ANHX: variants seen among roughly 807,000 people sequenced by gnomAD.
ANHX encodes anomalous homeobox protein.
A neutral mutation model predicts 38.9 loss-of-function variants in ANHX; 20 were observed. The ratio of observed to expected loss-of-function variants is 0.51; its 90% CI spans 0.36 to 0.75. ANHX has a LOEUF of 0.75. Among genes scored for constraint, ANHX ranks in the 30% least tolerant of loss-of-function variants. ANHX has a pLI of 0.00. For synonymous variants in ANHX, 185 were observed against 203.1 expected (o/e 0.91, Z 0.76); for missense variants, 475 against 493.1 (o/e 0.96, Z 0.35).
At chr12:133,224,736 C>T (rs185099116) in intron 7 of ANHX, among the ~76,000 whole-genome samples, 1,653 of 148,650 alleles carry the variant, frequency 0.011, 34 homozygotes, top group African/African-American at 0.038. Context: ...GAGGCCGAGG[C>T]GGGCGGATCA....
chr12:133,224,762 A>G (rs146076658), intron 7 of ANHX, among the ~76,000 whole-genome samples: 30,275 of 149,798 alleles, frequency 0.2, 3,609 homozygotes, highest in South Asian at 0.29. Flanking sequence ...TCAGGAGATC[A>G]AGACCATCCT....
intron 4 of ANHX, 138 bp from the exon 5 acceptor site, chr12:133,227,290 G>A (rs182631266): frequency 1.1e-6 from 1 of 952,214 alleles, no homozygotes; most frequent in East Asian, 2.7e-5. Context: ...ACAGCAGAGA[G>A]CGGTGAGCAT....
chr12:133,227,839 G>T lies in ANHX; in HGVS notation c.486C>A (p.Pro162=), dbSNP rs766178467. 4.0e-5 allele frequency: 61 copies of T among 1,535,444 alleles called. No homozygotes were observed. The South Asian group carries it at 5.4e-4, about 13-fold the overall frequency. The part of the protein sequence containing the change: ...HNFAVGVNTN[P]SKAERENLAL... The stretch of plus-strand genomic sequence containing the variant: ...CTATTCTTACCCTCTCAGCCTTGCT[G>T]GGGTTGGTGTTCACCCCCACAGCGA... Residue 162 remains proline, a synonymous_variant, in exon 4 of 10, where the codon CCC becomes CCA. Coordinates refer to ENST00000545940, the MANE Select transcript of ANHX (RefSeq NM_001372060.1).
At chr12:133,231,707 C>G (rs933692415) in intron 2 of ANHX, 63 bp from the exon 3 acceptor site, 17 of 1,521,556 alleles carry the variant, frequency 1.1e-5, no homozygotes, top group Middle Eastern at 3.7e-4. Context: ...TTGGGACCTG[C>G]ATCTGCCATC....
intron 8 of ANHX, among the ~76,000 whole-genome samples, chr12:133,219,575 TA>T (rs1957080770): frequency 6.6e-6 from 1 of 151,926 alleles, no homozygotes; most frequent in Non-Finnish European, 1.5e-5. Flanking sequence ...CGGTGGGTCA[TA>T]GGGGCAACTG....
rs1957198551 is a variant in ANHX, at chr12:133,227,008, C to T, written c.646G>A (p.Gly216Ser). The T allele has an allele frequency of 2.0e-6, 3 of 1,535,594 alleles. No homozygotes were observed. Among genetic ancestry groups the T allele is most frequent in the Non-Finnish European group, 2.6e-6 (3 of 1,146,572 alleles). The change falls in exon 5 of 10, where the codon GGT becomes AGT. Residue 216 changes from glycine to serine, a missense_variant. Physicochemically the swap from Gly to Ser is moderately conservative, Grantham distance 56 (BLOSUM62 0). Coordinates refer to ENST00000545940, the MANE Select transcript of ANHX (RefSeq NM_001372060.1). ...CCTGAGGGCTGCAGGAGGTCAGGAC[C>T]CCTCTCCCTCGCACCAGGGTCTTCA... ...TAEDPGARER[G>S]PDLLQPSGNP...
At position 133,221,143 on chromosome 12, in the gene ANHX, C is replaced by T; in HGVS notation, c.1280+62G>A. ...CGGGACGGTGAGTCTATAAACTGGG[C>T]ATTACCCTATCTTGTGGCCTGTGGA... On this transcript the variant is annotated intron_variant, in intron 8 of 9. Transcript: ENST00000545940. The surrounding 1 kb of genome is among the most constrained non-coding windows in gnomAD (Gnocchi z 4.1). 4.6e-6 allele frequency: 7 copies of T among 1,519,152 alleles called. No homozygotes were observed. The highest frequency in any genetic ancestry group is 6.2e-6 in the Non-Finnish European group (7 of 1,136,630). The allele number at this position is 1,519,152 out of a possible 1,614,324, so 94.1% of individuals were successfully genotyped here.
At chr12:133,224,294 G>A (rs927924934) in intron 7 of ANHX, among the ~76,000 whole-genome samples, 2 of 152,112 alleles carry the variant, frequency 1.3e-5, no homozygotes, top group African/African-American at 4.8e-5. Context: ...AAAGAAAAAG[G>A]AAAGGCATGG....
intron 7 of ANHX, among the ~76,000 whole-genome samples, chr12:133,225,314 T>TACACACACACAC (rs36198127): frequency 7.1e-6 from 1 of 141,498 alleles, no homozygotes; most frequent in African/African-American, 2.7e-5. Flanking sequence ...TATGCATACA[T>TACACACACACAC]ACACACACAC....
At position 133,230,772 on chromosome 12, in the gene ANHX, T is replaced by G. The variant is rs968210947; in HGVS notation, c.377+745A>C. On this transcript the variant is annotated intron_variant, in intron 3 of 9. Coordinates refer to ENST00000545940, the MANE Select transcript of ANHX (RefSeq NM_001372060.1). ...CAAGACCCTGTCTCAATTTTTTTTTTAAAGGCTCCAATTTCTCAGTGTCTG... is the reference window on the plus strand; with the variant it reads ...CAAGACCCTGTCTCAATTTTTTTTTGAAAGGCTCCAATTTCTCAGTGTCTG... Among the ~76,000 whole-genome samples the G allele has an allele frequency of 1.1e-4, 16 of 139,718 alleles. No individual in the cohort carries two copies. The East Asian group carries it at 2.6e-3, about 23-fold the overall frequency. 91.7% of individuals were successfully genotyped at this position (139,718 alleles called of 152,430 possible).
Position 133,234,167 on chromosome 12 carries a change from C to T in ANHX, c.190G>A (p.Ala64Thr). Reference protein sequence around the residue: ...HLLDNADVALACARVLDQQEQ... With the variant: ...HLLDNADVALTCARVLDQQEQ... ...TGCTGGTCCAGGACACGGGCGCACG[C>T]CAGGGCCACATCTGCGTTGTCCAGG... The change falls in exon 2 of 10, where the codon GCG (alanine) becomes ACG (threonine). Residue 64 changes from alanine to threonine, a missense_variant. Transcript: ENST00000545940. The T allele has an allele frequency of 6.5e-7, 1 of 1,536,164 alleles. No homozygotes were observed. The highest frequency in any genetic ancestry group is 8.7e-7 in the Non-Finnish European group (1 of 1,146,906).
intron 6 of ANHX, 27 bp downstream of exon 6, chr12:133,226,291 A>G (rs1403495287): frequency 6.5e-7 from 1 of 1,536,212 alleles, no homozygotes; most frequent in East Asian, 2.4e-5. Context: ...AGGTGAGATG[A>G]TTCCATGGCC....
chr12:133,227,901 T>A lies in ANHX; in HGVS notation c.424A>T (p.Asn142Tyr), dbSNP rs1428414144. Residue 142 changes from asparagine (N) to tyrosine (Y), a missense_variant, in exon 4 of 10, where the codon AAC becomes TAC. By Grantham distance (143) the Asn-to-Tyr change is moderately radical. Coordinates refer to ENST00000545940, the MANE Select transcript of ANHX (RefSeq NM_001372060.1). ...TTCTCACGAACCTCTCTGGGGAAGTTCCGGCTCTTCAGCCCCTCTGGGCAG... is the reference window on the plus strand; with the variant it reads ...TTCTCACGAACCTCTCTGGGGAAGTACCGGCTCTTCAGCCCCTCTGGGCAG... The part of the protein sequence containing the change: ...SLCPEGLKSR[N>Y]FPREVREKLH... 4.1e-6 allele frequency: 5 copies of A among 1,225,404 alleles called. No homozygotes were observed. Among genetic ancestry groups the A allele is most frequent in the Non-Finnish European group, 1.1e-6 (1 of 934,140 alleles). 75.9% of individuals were successfully genotyped at this position (1,225,404 alleles called of 1,614,324 possible).
At chr12:133,224,974 A>C (rs1372059167) in intron 7 of ANHX, among the ~76,000 whole-genome samples, 3 of 151,226 alleles carry the variant, frequency 2.0e-5, no homozygotes, top group African/African-American at 7.3e-5. Flanking sequence ...AAAAAAAAAA[A>C]AAACAAAAAC....
intron 7 of ANHX, among the ~76,000 whole-genome samples, chr12:133,224,915 CG>C (rs2135557169): frequency 6.8e-6 from 1 of 146,350 alleles, no homozygotes; most frequent in South Asian, 2.2e-4. Context: ...TGCAGTGAGC[CG>C]AGATCACGCC....
At chr12:133,231,704 C>T in intron 2 of ANHX, 60 bp from the exon 3 acceptor site, 1 of 1,523,600 alleles carries the variant, frequency 6.6e-7, no homozygotes. Context: ...CTGTTGGGAC[C>T]TGCATCTGCC....
chr12:133,224,037 C>G (rs567940177), intron 7 of ANHX, among the ~76,000 whole-genome samples: 7 of 152,250 alleles, frequency 4.6e-5, no homozygotes, highest in Admixed American at 4.6e-4. Context: ...GCAAAGTTAA[C>G]TGAAGCTGCT....
intron 6 of ANHX, 24 bp downstream of exon 6, chr12:133,226,294 C>A: frequency 6.5e-7 from 1 of 1,536,220 alleles, no homozygotes; most frequent in East Asian, 2.4e-5. Flanking sequence ...TGAGATGATT[C>A]CATGGCCATG....
At chr12:133,224,817 AT>A (rs1487827317) in intron 7 of ANHX, among the ~76,000 whole-genome samples, 3 of 150,546 alleles carry the variant, frequency 2.0e-5, no homozygotes, top group Admixed American at 1.3e-4. Context: ...GTACAAAAAA[AT>A]TAGCCAGGCG....
Sources: gnomAD v4.1 joint callset for allele counts (sites outside exome capture counted in the v4.1 genomes callset) on GRCh38, gnomAD v4.1.1 for gene constraint, Gnocchi (gnomAD v3.1) non-coding constraint, MANE v1.5 for transcripts, NCBI Gene and HGNC (gene_info 2026-07-23, HGNC 2026-07-21) for gene names.